The following ATXN1 variants were observed in gnomAD, a reference collection of about 807,000 sequenced individuals.
The protein encoded by ATXN1 is ataxin-1.
A neutral mutation model predicts 56.4 loss-of-function variants in ATXN1; 8 were observed. That is an observed-to-expected ratio of 0.14 (90% CI 0.08 to 0.26). ATXN1 has a LOEUF of 0.26. Among genes scored for constraint, ATXN1 ranks in the 10% least tolerant of loss-of-function variants. The probability of loss-of-function intolerance (pLI) is 1.00; values close to 1 mark genes in which losing one functional copy is unlikely to be tolerated. For missense variants in ATXN1, 987 were observed against 1,106.5 expected (o/e 0.89, Z 1.53); for synonymous variants, 514 against 494.6 (o/e 1.04, Z -0.52).
intron 2 of ATXN1, among the ~76,000 whole-genome samples, chr6:16,733,077 A>G (rs373062173): frequency 1.1e-4 from 16 of 152,284 alleles, no homozygotes; most frequent in East Asian, 9.6e-4. Context: ...CCATGCCGGG[A>G]CCCATTCTGA....
At chr6:16,391,252 AT>A (rs370637495) in intron 6 of ATXN1, among the ~76,000 whole-genome samples, 5 of 149,990 alleles carry the variant, frequency 3.3e-5, no homozygotes, top group Non-Finnish European at 7.4e-5. Flanking sequence ...ATAGATTACT[AT>A]TTTTTTTTAA....
chr6:16,727,562 TAA>T (rs1452080173), intron 2 of ATXN1, among the ~76,000 whole-genome samples: 1 of 152,146 alleles, frequency 6.6e-6, no homozygotes, highest in Non-Finnish European at 1.5e-5. Flanking sequence ...ATGAATAGAC[TAA>T]GAGAGCTTAT....
chr6:16,571,040 T>A (rs1331347191), intron 4 of ATXN1, among the ~76,000 whole-genome samples: 1 of 152,160 alleles, frequency 6.6e-6, no homozygotes. Context: ...CTTATGGAGC[T>A]CTGTTGAGGG....
Position 16,477,366 on chromosome 6 carries a change from C to T in ATXN1, c.-161+8606G>A, listed in dbSNP as rs545548638. On this transcript the variant is annotated intron_variant, in intron 6 of 7. Coordinates refer to ENST00000436367, the MANE Select transcript of ATXN1 (RefSeq NM_001128164.2). The stretch of plus-strand genomic sequence containing the variant: ...ATACAATCCACAGTATTTCTATGTT[C>T]TTTGGATCCAAATCGGAAAATGGCA... Among the ~76,000 whole-genome samples the T allele has an allele frequency of 1.8e-3, 277 of 152,324 alleles. 1 individual carries two copies. Among genetic ancestry groups the T allele is most frequent in the African/African-American group, 6.2e-3 (256 of 41,570 alleles).
chr6:16,343,851 G>A (rs1436363640), intron 6 of ATXN1, among the ~76,000 whole-genome samples: 1 of 152,190 alleles, frequency 6.6e-6, no homozygotes, highest in Non-Finnish European at 1.5e-5. Context: ...GTGGGTGTGG[G>A]TGGCTGTGTC....
At chr6:16,694,910 T>C (rs72825601) in intron 2 of ATXN1, among the ~76,000 whole-genome samples, 14,311 of 152,290 alleles carry the variant, frequency 0.094, 865 homozygotes, top group Middle Eastern at 0.15. Flanking sequence ...TAGTTCTTGG[T>C]TGCGTACTCT....
At chr6:16,316,865 C>CTTTTTTTTT (rs375359789) in intron 7 of ATXN1, among the ~76,000 whole-genome samples, 2,187 of 99,298 alleles carry the variant, frequency 0.022, 454 homozygotes, top group African/African-American at 0.089. Context: ...GACTGCCTGT[C>CTTTTTTTTT]TTTTTTTTTT....
intron 6 of ATXN1, among the ~76,000 whole-genome samples, chr6:16,402,242 GTTTTTTTTTTTTTTTTTTTTT>G (rs58048762): frequency 2.9e-4 from 18 of 62,116 alleles, no homozygotes; most frequent in African/African-American, 4.0e-4. Context: ...ACCACTGACA[GTTTTTTTTTTTTTTTTTTTTT>G]TTTTTTTTTT....
chr6:16,673,206 T>C (rs1009542640), intron 2 of ATXN1, among the ~76,000 whole-genome samples: 1 of 152,096 alleles, frequency 6.6e-6, no homozygotes, highest in Non-Finnish European at 1.5e-5. Context: ...ACAAAGTTCC[T>C]GATAAGTTGT....
At chr6:16,469,135 G>T (rs751287713) in intron 6 of ATXN1, among the ~76,000 whole-genome samples, 10 of 152,182 alleles carry the variant, frequency 6.6e-5, no homozygotes, top group Non-Finnish European at 1.2e-4. Flanking sequence ...TGAGTGAAAT[G>T]AATGAATGAA....
rs142529362 is a variant in ATXN1 at position 16,694,914 on chromosome 6, G to A, written c.-614-37013C>T. On this transcript the variant is annotated intron_variant, in intron 2 of 7. Coordinates refer to ENST00000436367, the MANE Select transcript of ATXN1 (RefSeq NM_001128164.2). Reference sequence around the variant, plus strand: ...CCTCCTGTTCTTAGTTCTTGGTTGCGTACTCTACCACCACTTCAGTAAGTG... The same window carrying A: ...CCTCCTGTTCTTAGTTCTTGGTTGCATACTCTACCACCACTTCAGTAAGTG... 1.8e-3 allele frequency among the ~76,000 whole-genome samples: 274 copies of A among 152,240 alleles called. 1 individual carries two copies. Among genetic ancestry groups the A allele is most frequent in the African/African-American group, 3.4e-3 (143 of 41,556 alleles).
intron 2 of ATXN1, among the ~76,000 whole-genome samples, chr6:16,722,597 C>CA (rs887652622): frequency 6.6e-6 from 1 of 152,148 alleles, no homozygotes; most frequent in African/African-American, 2.4e-5. Context: ...GCGCAAAACT[C>CA]ACAGTAAATA....
In ATXN1 at chr6:16,327,231, G is replaced by T. The variant is rs199716501; in HGVS notation, c.1080C>A (p.His360Gln). The part of the protein sequence containing the change: ...KSVPHPYESR[H>Q]VVVHPSPSDY... Reference sequence around the variant, plus strand: ...CTGAGGGGCTCGGGTGGACCACCACGTGCCTGGACTCGTACGGGTGAGGAA... The same window carrying T: ...CTGAGGGGCTCGGGTGGACCACCACTTGCCTGGACTCGTACGGGTGAGGAA... Residue 360 changes from histidine (H) to glutamine (Q), a missense_variant, in exon 7 of 8, where the codon CAC becomes CAA. Coordinates refer to ENST00000436367, the MANE Select transcript of ATXN1 (RefSeq NM_001128164.2). 26 of 1,613,470 alleles carry T rather than the reference G, an allele frequency of 1.6e-5. No homozygotes were observed. The East Asian group carries it at 5.1e-4, about 32-fold the overall frequency.
chr6:16,653,161 G>A (rs1341409097), intron 3 of ATXN1, among the ~76,000 whole-genome samples: 1 of 152,138 alleles, frequency 6.6e-6, no homozygotes, highest in East Asian at 1.9e-4. Context: ...CATCTACCAG[G>A]GCTGGAGCCA....
intron 2 of ATXN1, among the ~76,000 whole-genome samples, chr6:16,700,784 G>A (rs1044170839): frequency 5.3e-5 from 8 of 152,154 alleles, no homozygotes; most frequent in South Asian, 2.1e-4. Flanking sequence ...AGGGTGTAAC[G>A]TGGTAAGCAG....
At chr6:16,649,047 C>T (rs572835419) in intron 3 of ATXN1, among the ~76,000 whole-genome samples, 2 of 152,034 alleles carry the variant, frequency 1.3e-5, no homozygotes, top group African/African-American at 2.4e-5. Context: ...ATGTGAGCAG[C>T]GTGCCTCACA....
At chr6:16,749,770 C>T (rs1281551821) in intron 2 of ATXN1, among the ~76,000 whole-genome samples, 1 of 152,204 alleles carries the variant, frequency 6.6e-6, no homozygotes, top group Non-Finnish European at 1.5e-5. Flanking sequence ...ATTCAGTCAT[C>T]CCCCTCCTGG....
Position 16,328,557 on chromosome 6 carries a change from G to A in ATXN1, c.-160-87C>T, listed in dbSNP as rs181619397. 51 of 543,468 alleles carry A rather than the reference G, an allele frequency of 9.4e-5. No individual in the cohort carries two copies. Among genetic ancestry groups the A allele is most frequent in the East Asian group, 1.5e-4 (4 of 27,136 alleles). The allele number at this position is 543,468 out of a possible 1,614,324, so 33.7% of individuals were successfully genotyped here. ...GAAAGGACATCAGAACATGAGCACC[G>A]GGGAAAGAACATCTTTGGCAAGATT... On this transcript the variant is annotated intron_variant, in intron 6 of 7. Coordinates refer to ENST00000436367, the MANE Select transcript of ATXN1 (RefSeq NM_001128164.2). This position sits in a 1 kb window ranked among gnomAD's most constrained non-coding sequence, Gnocchi z 6.2.
chr6:16,447,552 G>A (rs570789708), intron 6 of ATXN1, among the ~76,000 whole-genome samples: 1 of 152,092 alleles, frequency 6.6e-6, no homozygotes, highest in African/African-American at 2.4e-5. Context: ...AGGCAGAATC[G>A]CACTATGTTG....
Sources: gnomAD v4.1 joint callset for allele counts (sites outside exome capture counted in the v4.1 genomes callset) on GRCh38, gnomAD v4.1.1 for gene constraint, Gnocchi (gnomAD v3.1) non-coding constraint, MANE v1.5 for transcripts, NCBI Gene and HGNC (gene_info 2026-07-23, HGNC 2026-07-21) for gene names.